The following FRAS1 variants were observed in gnomAD, a reference collection of about 807,000 sequenced individuals.
The protein encoded by FRAS1 is extracellular matrix organizing protein FRAS1.
FRAS1 carries 290 observed loss-of-function variants against 435.2 expected under a neutral mutation model. The observed-to-expected ratio is 0.67, with a 90% CI of 0.61 to 0.73. FRAS1 has a LOEUF of 0.73. FRAS1 is among the 30% of genes least tolerant of loss of function. The pLI, the probability that FRAS1 is intolerant of heterozygous loss-of-function variation, is 0.00. For synonymous variants in FRAS1, 1,800 were observed against 1,851.0 expected, an observed-to-expected ratio of 0.97 and a Z score of 0.71; for missense variants, 4,860 against 5,001.5, an observed-to-expected ratio of 0.97 and a Z score of 0.85.
At chr4:78,537,329 G>T (rs1234282124) in intron 72 of FRAS1, 129 bp downstream of exon 72, 5 of 885,812 alleles carry the variant, frequency 5.6e-6, no homozygotes, top group Non-Finnish European at 1.7e-6. Flanking sequence ...TTGTGTTGTT[G>T]TTTCTTTCAG....
intron 15 of FRAS1, among the ~76,000 whole-genome samples, 187 bp downstream of exon 15, chr4:78,308,396 C>T (rs1188915637): frequency 1.3e-5 from 2 of 152,192 alleles, no homozygotes; most frequent in Non-Finnish European, 2.9e-5. Context: ...CTCTTAATTG[C>T]CCCACCAGTC....
chr4:78,462,908 A>G (rs1412670814), intron 47 of FRAS1, among the ~76,000 whole-genome samples: 3 of 152,220 alleles, frequency 2.0e-5, no homozygotes, highest in African/African-American at 7.2e-5. Flanking sequence ...CTTCTTAAAG[A>G]TAAAGCAGTG....
At chr4:78,494,707 A>C (rs757674760) in intron 59 of FRAS1, among the ~76,000 whole-genome samples, 28 of 152,080 alleles carry the variant, frequency 1.8e-4, no homozygotes, top group Admixed American at 1.8e-3. Flanking sequence ...TGTCTGCTAT[A>C]TTTTACCTAT....
intron 2 of FRAS1, among the ~76,000 whole-genome samples, chr4:78,097,711 G>T (rs1741882175): frequency 6.6e-6 from 1 of 152,282 alleles, no homozygotes; most frequent in African/African-American, 2.4e-5. Flanking sequence ...TATCTCCACT[G>T]GGTGCCTCCC....
chr4:78,387,578 C>T lies in FRAS1; in HGVS notation c.3852C>T (p.Leu1284=), dbSNP rs1437749583. 1 of 1,613,780 alleles carries T rather than the reference C, an allele frequency of 6.2e-7. No individual in the cohort carries two copies. The highest frequency in any genetic ancestry group is 8.5e-7 in the Non-Finnish European group (1 of 1,179,788). Residue 1284 remains leucine (L), a synonymous_variant, in exon 29 of 74, where the codon CTC becomes CTT. Transcript: ENST00000512123. The stretch of plus-strand genomic sequence containing the variant: ...TCTATCAATTCCAGCTGGATGAACT[C>T]TCTAGAGGCCTTCTCCACTATGCTC... ...TPIYQFQLDE[L]SRGLLHYAHD...
chr4:78,182,373 T>G (rs1722055518), intron 2 of FRAS1, among the ~76,000 whole-genome samples: 1 of 152,124 alleles, frequency 6.6e-6, no homozygotes, highest in South Asian at 2.1e-4. Context: ...GAAGGGTTCC[T>G]AAGAGAAGCA....
At chr4:78,257,249 T>C (rs1725837518) in intron 6 of FRAS1, among the ~76,000 whole-genome samples, 2 of 152,206 alleles carry the variant, frequency 1.3e-5, no homozygotes, top group African/African-American at 4.8e-5. Context: ...ATGTGACTTA[T>C]ATTTTTAATC....
intron 23 of FRAS1, 36 bp downstream of exon 23, chr4:78,370,020 A>G: frequency 6.3e-7 from 1 of 1,595,632 alleles, no homozygotes; most frequent in Non-Finnish European, 8.6e-7. Flanking sequence ...AGATTCTTTT[A>G]CACAGTGATA....
intron 47 of FRAS1, among the ~76,000 whole-genome samples, chr4:78,453,844 C>T (rs1424901437): frequency 6.6e-6 from 1 of 152,054 alleles, no homozygotes; most frequent in Non-Finnish European, 1.5e-5. Flanking sequence ...TTTCTTGGAA[C>T]ATAGAGGCAG....
chr4:78,125,833 G>T (rs1719314816), intron 2 of FRAS1, among the ~76,000 whole-genome samples: 1 of 152,192 alleles, frequency 6.6e-6, no homozygotes, highest in African/African-American at 2.4e-5. Context: ...CTACACGGTG[G>T]TCAGGGACCC....
chr4:78,444,978 G>A (rs940738085), intron 41 of FRAS1, among the ~76,000 whole-genome samples: 1 of 152,190 alleles, frequency 6.6e-6, no homozygotes, highest in African/African-American at 2.4e-5. Context: ...TTAAGAAACT[G>A]GGAGGTCCAA....
At chr4:78,236,909 C>T (rs1724786709) in intron 2 of FRAS1, among the ~76,000 whole-genome samples, 1 of 152,130 alleles carries the variant, frequency 6.6e-6, no homozygotes, top group African/African-American at 2.4e-5. Flanking sequence ...GGATACTGCC[C>T]ACACTTATGC....
At chr4:78,122,411 G>C (rs1719084124) in intron 2 of FRAS1, among the ~76,000 whole-genome samples, 1 of 152,008 alleles carries the variant, frequency 6.6e-6, no homozygotes, top group Admixed American at 6.6e-5. Flanking sequence ...CATCTTTGCT[G>C]TTGTGAATAG....
In FRAS1 at chr4:78,374,241, C is replaced by A. The variant is rs771588230; in HGVS notation, c.3141C>A (p.His1047Gln). The change falls in exon 25 of 74, where the codon CAC (histidine) becomes CAA (glutamine). Residue 1047 changes from histidine (H) to glutamine (Q), a missense_variant. Transcript: ENST00000512123. The part of the protein sequence containing the change: ...GKGYFADHAK[H>Q]KCTACPQGCL... ...GGTACTTTGCAGATCATGCAAAGCA[C>A]AAATGCACAGGTAACTTGGAGACTG... 6.3e-7 allele frequency: 1 copy of A among 1,587,736 alleles called. No homozygotes were observed. The highest frequency in any genetic ancestry group is 8.6e-7 in the Non-Finnish European group (1 of 1,162,870).
At chr4:78,170,874 A>G (rs1436480698) in intron 2 of FRAS1, among the ~76,000 whole-genome samples, 1 of 151,836 alleles carries the variant, frequency 6.6e-6, no homozygotes, top group Non-Finnish European at 1.5e-5. Flanking sequence ...TCTGCCTTTG[A>G]ATTCCTTTCT....
chr4:78,508,430 T>C (rs569277748), intron 62 of FRAS1, among the ~76,000 whole-genome samples: 1 of 152,350 alleles, frequency 6.6e-6, no homozygotes, highest in African/African-American at 2.4e-5. Flanking sequence ...GATACAGCTT[T>C]GGTTCCAATG....
chr4:78,330,009 C>T (rs1223561660), intron 18 of FRAS1, among the ~76,000 whole-genome samples: 1 of 152,248 alleles, frequency 6.6e-6, no homozygotes, highest in Non-Finnish European at 1.5e-5. Context: ...AGAGAATGAA[C>T]AAGCCTTCAT....
At chr4:78,065,081 T>TATATATACACACACACATAC (rs762909923) in intron 1 of FRAS1, among the ~76,000 whole-genome samples, 2 of 125,692 alleles carry the variant, frequency 1.6e-5, no homozygotes, top group African/African-American at 6.1e-5. Flanking sequence ...TATATATATA[T>TATATATACACACACACATAC]ATACATACAC....
At chr4:78,179,792 A>ACATAGGAGCTACCCAGGG (rs1290270595) in intron 2 of FRAS1, among the ~76,000 whole-genome samples, 3 of 152,208 alleles carry the variant, frequency 2.0e-5, no homozygotes, top group Non-Finnish European at 4.4e-5. Context: ...TGTCCCACTG[A>ACATAGGAGCTACCCAGGG]CATAGGAGCT....
Sources: gnomAD v4.1 joint callset for allele counts (sites outside exome capture counted in the v4.1 genomes callset) on GRCh38, gnomAD v4.1.1 for gene constraint, MANE v1.5 for transcripts, NCBI Gene and HGNC (gene_info 2026-07-23, HGNC 2026-07-21) for gene names.